Variants in TMEM63C observed in about 807,000 individuals in gnomAD.
The protein encoded by TMEM63C is osmosensitive cation channel TMEM63C.
Under a neutral mutation model 99.2 loss-of-function variants are expected in TMEM63C, and 32 were observed. That is an observed-to-expected ratio of 0.32 (90% confidence interval 0.24 to 0.43). The LOEUF (loss-of-function observed/expected upper bound fraction) is 0.43. Among genes scored for constraint, TMEM63C ranks in the 20% least tolerant of loss-of-function variants. TMEM63C has a pLI of 1.00. For synonymous variants in TMEM63C, 376 were observed against 397.9 expected (o/e 0.94, Z 0.66); for missense variants, 826 against 1,053.0 (o/e 0.78, Z 2.98).
In TMEM63C at chr14:77,244,343, C is replaced by T. The variant is rs200799359; in HGVS notation, c.1342-6C>T. 7.4e-6 allele frequency: 12 copies of T among 1,611,348 alleles called. No individual in the cohort carries two copies. Among genetic ancestry groups the T allele is most frequent in the Admixed American group, 6.7e-5 (4 of 59,960 alleles). On this transcript the variant is annotated splice_region_variant and splice_polypyrimidine_tract_variant and intron_variant, in intron 15 of 23. Transcript: ENST00000298351. The stretch of plus-strand genomic sequence containing the variant: ...TCTCCTGCCGTCCTCCCCTCTCCCC[C>T]TGCAGAACCCAATTGTGACCCAGTT...
chr14:77,199,388 A>G (rs565405788), intron 1 of TMEM63C, among the ~76,000 whole-genome samples: 33 of 152,152 alleles, frequency 2.2e-4, no homozygotes, highest in Non-Finnish European at 4.7e-4. Context: ...TTCAGCCGAG[A>G]TTCAGGGCCT....
chr14:77,237,478 C>A (rs983348295), intron 9 of TMEM63C, among the ~76,000 whole-genome samples: 16 of 152,184 alleles, frequency 1.1e-4, no homozygotes, highest in Admixed American at 6.5e-4. Context: ...AAAAAGGGAG[C>A]ATGGAGGGGC....
At chr14:77,188,395 G>T (rs1888040043) in intron 1 of TMEM63C, among the ~76,000 whole-genome samples, 1 of 152,190 alleles carries the variant, frequency 6.6e-6, no homozygotes. Flanking sequence ...ATAACATTCT[G>T]TGAAAATAGC....
chr14:77,239,635 C>T lies in TMEM63C; in HGVS notation c.839C>T (p.Thr280Ile), dbSNP rs1305711770. 1 of 1,613,342 alleles carries T rather than the reference C, an allele frequency of 6.2e-7. No homozygotes were observed. Among genetic ancestry groups the T allele is most frequent in the Non-Finnish European group, 8.5e-7 (1 of 1,179,728 alleles). ...GCCATGCGGGGCCGGCTTTTCTATA[C>T]AGCCAAGGCCAAGAAGACTGGGAAG... ...RHAMRGRLFY[T>I]AKAKKTGKVM... Residue 280 changes from threonine to isoleucine, a missense_variant, in exon 12 of 24, where the codon ACA (threonine) becomes ATA (isoleucine). By Grantham distance (89) the Thr-to-Ile change is moderately conservative. Transcript: ENST00000298351.
chr14:77,217,204 T>A (rs1415734450), intron 2 of TMEM63C, among the ~76,000 whole-genome samples: 4 of 151,910 alleles, frequency 2.6e-5, no homozygotes, highest in African/African-American at 9.7e-5. Flanking sequence ...CCCTTTGCCC[T>A]GCCCTGTGCA....
intron 23 of TMEM63C, among the ~76,000 whole-genome samples, chr14:77,254,107 G>A (rs894385092): frequency 6.6e-6 from 1 of 152,226 alleles, no homozygotes; most frequent in African/African-American, 2.4e-5. Flanking sequence ...CTGACCCCAG[G>A]AATGGGCATA....
At chr14:77,255,055 A>C (rs1441699156) in intron 23 of TMEM63C, among the ~76,000 whole-genome samples, 2 of 152,220 alleles carry the variant, frequency 1.3e-5, no homozygotes, top group Admixed American at 1.3e-4. Context: ...AAGTGGCACC[A>C]TCTTGGCTCA....
At chr14:77,208,583 C>A (rs950502115) in intron 1 of TMEM63C, among the ~76,000 whole-genome samples, 1 of 152,222 alleles carries the variant, frequency 6.6e-6, no homozygotes, top group Non-Finnish European at 1.5e-5. Flanking sequence ...AGAACCCCAG[C>A]TGCAAGGGAG....
chr14:77,236,980 CCTCCACCCTCTCACCCTCCTCCACGCTG>C (rs1889073607), intron 9 of TMEM63C, among the ~76,000 whole-genome samples: 1 of 84,266 alleles, frequency 1.2e-5, no homozygotes, highest in Non-Finnish European at 2.3e-5. Context: ...CTCTCACGCT[CCTCCACCCTCTCACCCTCCTCCACGCTG>C]CTCCACCCTC....
chr14:77,253,503 C>G, intron 23 of TMEM63C, 127 bp downstream of exon 23: 1 of 906,982 alleles, frequency 1.1e-6, no homozygotes, highest in Non-Finnish European at 1.7e-6. Context: ...TGGGGGACCC[C>G]TGGGCTCCCT....
intron 5 of TMEM63C, among the ~76,000 whole-genome samples, chr14:77,224,127 G>A (rs111822498): frequency 0.02 from 3,016 of 152,064 alleles, 93 homozygotes; most frequent in African/African-American, 0.069. Flanking sequence ...ACACCCTCGA[G>A]TGGCCATTGT....
chr14:77,211,648 T>G (rs11159252), intron 1 of TMEM63C, among the ~76,000 whole-genome samples: 122,880 of 152,124 alleles, frequency 0.81, 50,417 homozygotes, highest in East Asian at 0.99. Context: ...TCTGGAGGCC[T>G]GGGAGTGAGC....
intron 21 of TMEM63C, among the ~76,000 whole-genome samples, chr14:77,249,729 C>G (rs1242909331): frequency 6.6e-6 from 1 of 152,250 alleles, no homozygotes; most frequent in Non-Finnish European, 1.5e-5. Flanking sequence ...CATATTCCTT[C>G]TTTCTAAGTC....
At chr14:77,219,103 T>C (rs421146) in intron 3 of TMEM63C, 140 bp downstream of exon 3, 959,725 of 1,022,968 alleles carry the variant, frequency 0.94, 450,523 homozygotes, top group South Asian at 0.97. Flanking sequence ...CAGTCCTGCC[T>C]AGGGTGGCCC....
intron 1 of TMEM63C, among the ~76,000 whole-genome samples, chr14:77,202,052 G>T (rs928975608): frequency 6.6e-6 from 1 of 152,224 alleles, no homozygotes; most frequent in Non-Finnish European, 1.5e-5. Flanking sequence ...GCTCCCTGCA[G>T]CAGGGGCCCC....
intron 21 of TMEM63C, among the ~76,000 whole-genome samples, chr14:77,251,352 A>C (rs1889355960): frequency 6.6e-6 from 1 of 152,222 alleles, no homozygotes; most frequent in Non-Finnish European, 1.5e-5. Flanking sequence ...AATGTAGGTG[A>C]CTTTTACCTT....
At chr14:77,206,778 C>A (rs1888409913) in intron 1 of TMEM63C, among the ~76,000 whole-genome samples, 1 of 152,100 alleles carries the variant, frequency 6.6e-6, no homozygotes, top group Admixed American at 6.6e-5. Context: ...AATATATGAT[C>A]TTTTTCTAAT....
At chr14:77,186,038 GTC>G (rs1487646970) in intron 1 of TMEM63C, among the ~76,000 whole-genome samples, 1 of 151,576 alleles carries the variant, frequency 6.6e-6, no homozygotes, top group Non-Finnish European at 1.5e-5. Context: ...TTGAAACAGA[GTC>G]TCGTTCTGTT....
chr14:77,238,731 A>C lies in TMEM63C; in HGVS notation c.689A>C (p.Asp230Ala). The change falls in exon 10 of 24, where the codon GAC (aspartate) becomes GCC (alanine). Residue 230 changes from aspartate (D) to alanine (A), a missense_variant. By Grantham distance (126) the Asp-to-Ala change is moderately radical. Coordinates refer to ENST00000298351, the MANE Select transcript of TMEM63C (RefSeq NM_020431.4). ...RTLMITYVPKDIEDPELIIKH... is the reference protein window; with the variant it reads ...RTLMITYVPKAIEDPELIIKH... Reference sequence around the variant, plus strand: ...CTAATGATCACCTATGTGCCCAAGGACATTGAAGACCCAGAACTCATCATT... The same window carrying C: ...CTAATGATCACCTATGTGCCCAAGGCCATTGAAGACCCAGAACTCATCATT... The C allele has an allele frequency of 6.2e-7, 1 of 1,614,018 alleles. No homozygotes were observed. Among genetic ancestry groups the C allele is most frequent in the Non-Finnish European group, 8.5e-7 (1 of 1,179,866 alleles).
Sources: gnomAD v4.1 joint callset for allele counts (sites outside exome capture counted in the v4.1 genomes callset) on GRCh38, gnomAD v4.1.1 for gene constraint, MANE v1.5 for transcripts, NCBI Gene and HGNC (gene_info 2026-07-23, HGNC 2026-07-21) for gene names.